CAMSAP2: variants seen among roughly 807,000 people sequenced by gnomAD.
CAMSAP2 encodes calmodulin-regulated spectrin-associated protein 2.
Under a neutral mutation model 146.1 loss-of-function variants are expected in CAMSAP2, and 26 were observed. The ratio of observed to expected loss-of-function variants is 0.18; its 90% CI spans 0.13 to 0.25. CAMSAP2 has a LOEUF of 0.25. Ranked by LOEUF, CAMSAP2 falls within the 10% of genes least tolerant of loss-of-function variation. The pLI, the probability that CAMSAP2 is intolerant of heterozygous loss-of-function variation, is 1.00. For missense variants in CAMSAP2, 1,381 were observed against 1,759.3 expected, an observed-to-expected ratio of 0.78 and a Z score of 3.85; for synonymous variants, 499 against 596.6, an observed-to-expected ratio of 0.84 and a Z score of 2.38.
intron 9 of CAMSAP2, 35 bp downstream of exon 9, chr1:200,847,327 T>A: frequency 7.2e-7 from 1 of 1,391,224 alleles, no homozygotes; most frequent in African/African-American, 1.4e-5. Context: ...AAAATACTCT[T>A]TTAAGTAGGT....
chr1:200,796,559 T>C (rs546156230), intron 2 of CAMSAP2, among the ~76,000 whole-genome samples: 15 of 152,280 alleles, frequency 9.9e-5, no homozygotes, highest in Non-Finnish European at 1.9e-4. Context: ...TAGGAAAGTA[T>C]TGCCATCCTA....
intron 1 of CAMSAP2, among the ~76,000 whole-genome samples, chr1:200,746,914 C>T (rs959417916): frequency 6.6e-6 from 1 of 151,692 alleles, no homozygotes; most frequent in African/African-American, 2.4e-5. Context: ...CAACTGCGCC[C>T]GGCCTAGTCA....
intron 1 of CAMSAP2, among the ~76,000 whole-genome samples, chr1:200,750,900 CCT>C (rs1491364431): frequency 4.4e-5 from 4 of 90,182 alleles, no homozygotes; most frequent in Non-Finnish European, 9.4e-5. Flanking sequence ...ACCGCGCCTG[CCT>C]TTTTTTTTTT....
At chr1:200,843,637 A>G (rs1667383810) in intron 7 of CAMSAP2, among the ~76,000 whole-genome samples, 1 of 152,302 alleles carries the variant, frequency 6.6e-6, no homozygotes, top group Admixed American at 6.5e-5. Flanking sequence ...TCAGATCTCA[A>G]AGTCAAAAAG....
chr1:200,817,185 C>CAT (rs1262119747), intron 4 of CAMSAP2, among the ~76,000 whole-genome samples: 27 of 70,796 alleles, frequency 3.8e-4, no homozygotes, highest in Non-Finnish European at 4.8e-4. Flanking sequence ...TATACACACA[C>CAT]ACACATGTGT....
intron 2 of CAMSAP2, among the ~76,000 whole-genome samples, chr1:200,804,159 C>T (rs532554144): frequency 2.3e-4 from 35 of 152,232 alleles, no homozygotes; most frequent in South Asian, 2.1e-3. Flanking sequence ...ATCTCCTGAC[C>T]TTGTGATCTG....
rs1388981491 is a variant in CAMSAP2, at chr1:200,816,904, A to G, written c.645+1260A>G. The stretch of plus-strand genomic sequence containing the variant: ...CACGCGTGTGTATGTGTGTACACAC[A>G]CACGCGTGTGTATGTGTGTACACAC... On this transcript the variant is annotated intron_variant, in intron 4 of 16. Transcript: ENST00000358823. Among the ~76,000 whole-genome samples, 7 of 83,292 alleles carry G rather than the reference A, an allele frequency of 8.4e-5. 3 individuals are homozygous for G. In the South Asian group the frequency reaches 1.4e-3, roughly 16 times the overall value. The allele number at this position is 83,292 out of a possible 152,430, so 54.6% of individuals were successfully genotyped here. A position where few individuals can be genotyped will look rare whatever the true frequency, so the allele number is the denominator to read the frequency against.
At chr1:200,827,943 T>C (rs2102207083) in intron 4 of CAMSAP2, among the ~76,000 whole-genome samples, 1 of 152,294 alleles carries the variant, frequency 6.6e-6, no homozygotes, top group Admixed American at 6.5e-5. Context: ...ATAGTAAATT[T>C]AATAACATTT....
chr1:200,839,091 A>C (rs1667252951), intron 6 of CAMSAP2, among the ~76,000 whole-genome samples: 1 of 152,246 alleles, frequency 6.6e-6, no homozygotes, highest in South Asian at 2.1e-4. Flanking sequence ...ATATAAGTGC[A>C]GTCAGTACAT....
chr1:200,758,571 T>C (rs1007314733), intron 1 of CAMSAP2, among the ~76,000 whole-genome samples: 3 of 152,208 alleles, frequency 2.0e-5, no homozygotes, highest in Non-Finnish European at 2.9e-5. Context: ...TATTTTTAGA[T>C]GTCACCAAAA....
At chr1:200,811,035 C>T (rs972858853) in intron 3 of CAMSAP2, among the ~76,000 whole-genome samples, 49 of 152,232 alleles carry the variant, frequency 3.2e-4, no homozygotes, top group African/African-American at 1.1e-3. Flanking sequence ...CTCTCTCTCT[C>T]CCATACCCAT....
At chr1:200,831,674 C>T (rs1291866452) in intron 4 of CAMSAP2, among the ~76,000 whole-genome samples, 2 of 148,330 alleles carry the variant, frequency 1.3e-5, no homozygotes, top group Admixed American at 6.7e-5. Flanking sequence ...ATTTGTGTTT[C>T]CTCAACATTC....
intron 6 of CAMSAP2, among the ~76,000 whole-genome samples, chr1:200,836,553 ACAC>A (rs144603647): frequency 0.1 from 15,278 of 152,130 alleles, 854 homozygotes; most frequent in Middle Eastern, 0.14. Flanking sequence ...CAGTGAACAT[ACAC>A]ATGCATGTGT....
rs780221381 is a variant in CAMSAP2 at position 200,847,395 on chromosome 1, G to T, written c.1192+103G>T. The T allele has an allele frequency of 6.0e-3, 3,215 of 535,492 alleles. 17 individuals carry two copies. Among genetic ancestry groups the T allele is most frequent in the African/African-American group, 0.016 (662 of 40,350 alleles). 33.2% of individuals were successfully genotyped at this position (535,492 alleles called of 1,614,324 possible). A position where few individuals can be genotyped will look rare whatever the true frequency, so the allele number is the denominator to read the frequency against. On this transcript the variant is annotated intron_variant, in intron 9 of 16. Coordinates refer to ENST00000358823, the MANE Select transcript of CAMSAP2 (RefSeq NM_203459.4). ...AAACAAATATCCAGGGTTTTTTTGT[G>T]TGTGTGTGTGTGTGTTTTTTTGTTT... is the stretch of plus-strand genomic sequence containing the variant.
chr1:200,750,814 G>T, intron 1 of CAMSAP2, among the ~76,000 whole-genome samples: 1 of 150,696 alleles, frequency 6.6e-6, no homozygotes, highest in African/African-American at 2.4e-5. Flanking sequence ...TTTTGGTAGA[G>T]ACCGGGTTTC....
intron 1 of CAMSAP2, among the ~76,000 whole-genome samples, chr1:200,753,298 CAAA>C (rs35626597): frequency 1.8e-4 from 18 of 101,318 alleles, no homozygotes; most frequent in Admixed American, 2.9e-4. Flanking sequence ...AACTCCATCT[CAAA>C]AAAAAAAAAA....
chr1:200,793,127 G>T (rs1201716880), intron 2 of CAMSAP2, among the ~76,000 whole-genome samples: 1 of 146,644 alleles, frequency 6.8e-6, no homozygotes, highest in Non-Finnish European at 1.5e-5. Flanking sequence ...TATCTCTGTA[G>T]TGGACAGACC....
At chr1:200,776,977 A>C (rs905103604) in intron 2 of CAMSAP2, among the ~76,000 whole-genome samples, 2 of 152,144 alleles carry the variant, frequency 1.3e-5, no homozygotes, top group Admixed American at 1.3e-4. Context: ...TATGTGGAAA[A>C]TCTTCAAAGG....
chr1:200,809,287 A>G (rs1666263656), intron 3 of CAMSAP2, among the ~76,000 whole-genome samples: 1 of 152,224 alleles, frequency 6.6e-6, no homozygotes, highest in Non-Finnish European at 1.5e-5. Context: ...TCCTACTGTT[A>G]CAATGAAGAA....
Sources: gnomAD v4.1 joint callset for allele counts (sites outside exome capture counted in the v4.1 genomes callset) on GRCh38, gnomAD v4.1.1 for gene constraint, MANE v1.5 for transcripts, NCBI Gene and HGNC (gene_info 2026-07-23, HGNC 2026-07-21) for gene names.